Variants in ADAM12 observed in about 807,000 individuals in gnomAD.
ADAM12 encodes the protein ADAM metallopeptidase domain 12.
ADAM12 carries 70 observed loss-of-function variants against 106.4 expected under a neutral mutation model. The observed-to-expected ratio is 0.66, with a 90% CI of 0.54 to 0.80. The LOEUF (loss-of-function observed/expected upper bound fraction) is 0.80. Among genes scored for constraint, ADAM12 ranks in the 30% least tolerant of loss-of-function variants. The probability of loss-of-function intolerance (pLI) is 0.00; values close to 1 mark genes in which losing one functional copy is unlikely to be tolerated. For missense variants in ADAM12, 1,010 were observed against 1,171.9 expected (o/e 0.86, Z 2.02); for synonymous variants, 420 against 433.5 (o/e 0.97, Z 0.39).
chr10:126,162,334 G>A (rs1354941290), intron 3 of ADAM12, among the ~76,000 whole-genome samples: 1 of 152,154 alleles, frequency 6.6e-6, no homozygotes, highest in Non-Finnish European at 1.5e-5. Context: ...CCAGCGAGAG[G>A]GGACTGCATC....
At chr10:126,368,356 GTTTTT>G (rs34317249) in intron 1 of ADAM12, among the ~76,000 whole-genome samples, 1 of 118,402 alleles carries the variant, frequency 8.4e-6, no homozygotes. Context: ...TGTGTGATTT[GTTTTT>G]TTTTTTTTTT....
At chr10:126,267,134 T>C (rs995430349) in intron 3 of ADAM12, among the ~76,000 whole-genome samples, 3 of 152,152 alleles carry the variant, frequency 2.0e-5, no homozygotes, top group African/African-American at 7.2e-5. Flanking sequence ...TCTCCTCTGA[T>C]AGGGATACGG....
In ADAM12 at chr10:126,129,167, A is replaced by AG. The variant is rs1956260976; in HGVS notation, c.416+6416dup. On this transcript the variant is annotated intron_variant, in intron 5 of 22. Transcript: ENST00000448723. Reference sequence around the variant, plus strand: ...GCTTCAGTCGAACCTCTGTGCCTGCAGGTGATGAAGACTTGGGGCTCATTC... The same window carrying AG: ...GCTTCAGTCGAACCTCTGTGCCTGCAGGGTGATGAAGACTTGGGGCTCATTC... 2.0e-5 allele frequency among the ~76,000 whole-genome samples: 3 copies of AG among 152,252 alleles called. No homozygotes were observed. In the South Asian group the frequency reaches 6.2e-4, roughly 31 times the overall value.
At chr10:126,082,155 T>G (rs912801940) in intron 11 of ADAM12, among the ~76,000 whole-genome samples, 3 of 152,200 alleles carry the variant, frequency 2.0e-5, no homozygotes, top group African/African-American at 4.8e-5. Context: ...AAACGCCATT[T>G]AGATGGCTGT....
chr10:126,355,430 T>C (rs1855505915), intron 1 of ADAM12, among the ~76,000 whole-genome samples: 1 of 152,206 alleles, frequency 6.6e-6, no homozygotes, highest in Non-Finnish European at 1.5e-5. Context: ...AAATTTCAAC[T>C]AGCAATTATC....
intron 18 of ADAM12, chr10:126,041,844 G>T: frequency 8.0e-7 from 1 of 1,252,800 alleles, no homozygotes; most frequent in Non-Finnish European, 1.0e-6. Flanking sequence ...CTGCAGGGCT[G>T]GGGCCTGCCA....
rs199632862 is a variant in ADAM12 at position 126,019,788 on chromosome 10, G to C, written c.2567C>G (p.Pro856Arg). 1.9e-5 allele frequency: 30 copies of C among 1,614,034 alleles called. No individual in the cohort carries two copies. Among genetic ancestry groups the C allele is most frequent in the Non-Finnish European group, 2.5e-5 (29 of 1,180,024 alleles). The change falls in exon 22 of 23, where the codon CCT becomes CGT. Residue 856 changes from proline to arginine, a missense_variant. Physicochemically the swap from Pro to Arg is moderately radical, Grantham distance 103 (BLOSUM62 -2). This residue lies in a region of ADAM12 where 615 missense variants were observed against 708.5 expected (regional missense o/e 0.87). Transcript: ENST00000448723. The stretch of plus-strand genomic sequence containing the variant: ...AGTTGTTCTGGCCAGAGGATCTGCA[G>C]GCAGAGGCTTCTGAGGGGGGTTTGG... ...CKPNPPQKPL[P>R]ADPLARTTRL... is the part of the protein sequence containing the mutation.
chr10:126,340,009 C>G (rs1056069201), intron 1 of ADAM12, among the ~76,000 whole-genome samples: 1 of 151,992 alleles, frequency 6.6e-6, no homozygotes, highest in African/African-American at 2.4e-5. Flanking sequence ...TGCATACCAC[C>G]ACACCTAGTG....
chr10:126,078,707 AC>A (rs1426929754), intron 11 of ADAM12, among the ~76,000 whole-genome samples: 2 of 151,892 alleles, frequency 1.3e-5, no homozygotes, highest in Non-Finnish European at 2.9e-5. Context: ...CTTCTTTTAT[AC>A]TTTTTTTTGA....
intron 2 of ADAM12, among the ~76,000 whole-genome samples, chr10:126,324,244 CAAGAG>C (rs2133840179): frequency 6.6e-6 from 1 of 152,342 alleles, no homozygotes; most frequent in African/African-American, 2.4e-5. Flanking sequence ...ATGGGTTTCA[CAAGAG>C]AAGGTGCCAT....
intron 3 of ADAM12, among the ~76,000 whole-genome samples, chr10:126,218,816 G>A (rs1958036419): frequency 6.6e-6 from 1 of 152,190 alleles, no homozygotes; most frequent in Non-Finnish European, 1.5e-5. Context: ...GATAAGAAGG[G>A]CAGCTGCCAA....
intron 5 of ADAM12, among the ~76,000 whole-genome samples, chr10:126,122,918 C>T (rs528301954): frequency 1.3e-5 from 2 of 152,308 alleles, no homozygotes; most frequent in East Asian, 3.9e-4. Context: ...TAAAACATGT[C>T]ACCACATTCT....
chr10:126,187,980 G>C (rs1457711402), intron 3 of ADAM12, among the ~76,000 whole-genome samples: 1 of 152,164 alleles, frequency 6.6e-6, no homozygotes, highest in East Asian at 1.9e-4. Context: ...TCAGAGTGCT[G>C]GCTAATCAGA....
intron 3 of ADAM12, among the ~76,000 whole-genome samples, chr10:126,192,651 T>C (rs1957524626): frequency 1.3e-5 from 2 of 152,236 alleles, no homozygotes; most frequent in Admixed American, 6.5e-5. Flanking sequence ...TGTACTTCAG[T>C]AGATGGGATC....
chr10:126,070,535 T>C (rs1054452803), intron 12 of ADAM12: 1 of 152,212 alleles, frequency 6.6e-6, no homozygotes, highest in African/African-American at 2.4e-5. Context: ...GATGCGCCAG[T>C]CTCAACACGA....
At chr10:126,129,838 C>T (rs936490463) in intron 5 of ADAM12, among the ~76,000 whole-genome samples, 27 of 152,232 alleles carry the variant, frequency 1.8e-4, no homozygotes, top group African/African-American at 6.0e-4. Flanking sequence ...TCTCCTCTTT[C>T]ATGTCCCTTT....
chr10:126,188,680 G>A (rs999302334), intron 3 of ADAM12, among the ~76,000 whole-genome samples: 1 of 151,958 alleles, frequency 6.6e-6, no homozygotes, highest in African/African-American at 2.4e-5. Context: ...ATCTTTGTAC[G>A]CCCTTTAATC....
chr10:126,291,416 T>G (rs984656606), intron 2 of ADAM12, among the ~76,000 whole-genome samples: 1 of 152,236 alleles, frequency 6.6e-6, no homozygotes, highest in African/African-American at 2.4e-5. Flanking sequence ...AACAAGTTTT[T>G]CTATTACAAA....
intron 5 of ADAM12, among the ~76,000 whole-genome samples, chr10:126,121,773 C>T (rs142784171): frequency 2.4e-3 from 358 of 151,956 alleles, no homozygotes; most frequent in Non-Finnish European, 3.6e-3. Context: ...ATGGCCCATT[C>T]GTAGGTAGTA....
Sources: allele counts gnomAD v4.1 joint callset (sites outside exome capture counted in the v4.1 genomes callset), GRCh38; gene constraint gnomAD v4.1.1; regional missense constraint gnomAD v4.1.1; transcripts MANE v1.5; gene names NCBI Gene and HGNC (gene_info 2026-07-23, HGNC 2026-07-21).